CNTN2: variants seen among roughly 807,000 people sequenced by gnomAD.
The protein encoded by CNTN2 is contactin-2.
A neutral mutation model predicts 117.5 loss-of-function variants in CNTN2; 53 were observed. The observed-to-expected ratio is 0.45, with a 90% CI of 0.36 to 0.57. The LOEUF is 0.57. Ranked by LOEUF, CNTN2 falls within the 20% of genes least tolerant of loss-of-function variation. CNTN2 has a pLI of 0.00. For synonymous variants in CNTN2, 530 were observed against 561.7 expected (o/e 0.94, Z 0.80); for missense variants, 1,106 against 1,404.3 (o/e 0.79, Z 3.39).
At position 205,058,028 on chromosome 1, in the gene CNTN2, G is replaced by A. The variant is rs12076297; in HGVS notation, c.178G>A (p.Ala60Thr). ...EESTEEQVLL[A>T]CRARASPPAT... ...GTCCACGGAGGAGCAGGTGTTGCTGGCATGCCGCGCCCGGGCCAGCCCTCC... is the reference window on the plus strand; with the variant it reads ...GTCCACGGAGGAGCAGGTGTTGCTGACATGCCGCGCCCGGGCCAGCCCTCC... Residue 60 changes from alanine to threonine, a missense_variant, in exon 3 of 23, where the codon GCA becomes ACA. Transcript: ENST00000331830. This position sits in a 1 kb window ranked among gnomAD's most constrained non-coding sequence, Gnocchi z 4.3. 2.1e-3 allele frequency: 3,365 copies of A among 1,613,400 alleles called. 68 individuals carry two copies. The African/African-American group carries it at 0.041, about 19-fold the overall frequency.
chr1:205,074,349 C>T lies in CNTN2; in HGVS notation c.*584C>T, dbSNP rs1189351774. On this transcript the variant is annotated 3_prime_UTR_variant, in exon 23 of 23. Coordinates refer to ENST00000331830, the MANE Select transcript of CNTN2 (RefSeq NM_005076.5). ...GCCTGCCCAAGCGGCTGAGAACCAG[C>T]GCCCCGATGCCTGAGGCTGGGAGCC... 6 of 400,082 alleles carry T rather than the reference C, an allele frequency of 1.5e-5. No individual in the cohort carries two copies. The highest frequency in any genetic ancestry group is 7.1e-5 in the East Asian group (2 of 28,074). 24.8% of individuals were successfully genotyped at this position (400,082 alleles called of 1,614,324 possible). A position where few individuals can be genotyped will look rare whatever the true frequency, so the allele number is the denominator to read the frequency against.
chr1:205,057,961 T>C lies in CNTN2; in HGVS notation c.111T>C (p.Pro37=). The change falls in exon 3 of 23, where the codon CCT becomes CCC. Residue 37 remains proline (P), a synonymous_variant. Transcript: ENST00000331830. ...SALGSQTTFG[P]VFEDQPLSVL... The stretch of plus-strand genomic sequence containing the variant: ...TGGGATCCCAAACCACCTTCGGGCC[T>C]GTCTTTGAAGACCAGCCCCTCAGTG... The C allele has an allele frequency of 6.2e-7, 1 of 1,614,152 alleles. No individual in the cohort carries two copies.
At chr1:205,047,988 G>A (rs951901040) in intron 1 of CNTN2, among the ~76,000 whole-genome samples, 5 of 152,206 alleles carry the variant, frequency 3.3e-5, no homozygotes, top group African/African-American at 1.2e-4. Context: ...CTAGACAGCA[G>A]CAGGCAGGTT....
chr1:205,065,334 G>A lies in CNTN2; in HGVS notation c.1695+72G>A. 2 of 1,531,978 alleles carry A rather than the reference G, an allele frequency of 1.3e-6. No individual in the cohort carries two copies. The highest frequency in any genetic ancestry group is 1.8e-6 in the Non-Finnish European group (2 of 1,118,252). The allele number at this position is 1,531,978 out of a possible 1,614,324, so 94.9% of individuals were successfully genotyped here. On this transcript the variant is annotated intron_variant, in intron 13 of 22. Transcript: ENST00000331830. The surrounding 1 kb of genome is among the most constrained non-coding windows in gnomAD (Gnocchi z 4.1). ...AGACAGGGGCCCCAAGATGTCCTTA[G>A]CCATCCTCACCTTTAAGAAACCCAT...
At position 205,069,532 on chromosome 1, in the gene CNTN2, G is replaced by A; in HGVS notation, c.2167G>A (p.Ala723Thr). 1 of 1,613,898 alleles carries A rather than the reference G, an allele frequency of 6.2e-7. No individual in the cohort carries two copies. The highest frequency in any genetic ancestry group is 8.5e-7 in the Non-Finnish European group (1 of 1,180,022). Reference protein sequence around the residue: ...APSGLSGGGGAPGELIVNWTP... With the variant: ...APSGLSGGGGTPGELIVNWTP... ...CTCAGGACTCAGCGGAGGAGGTGGA[G>A]CCCCCGGAGAGCTCATCGTCAACTG... The change falls in exon 17 of 23, where the codon GCC (alanine) becomes ACC (threonine). Residue 723 changes from alanine to threonine, a missense_variant. Ala to Thr is a moderately conservative substitution (Grantham distance 58, BLOSUM62 0). Coordinates refer to ENST00000331830, the MANE Select transcript of CNTN2 (RefSeq NM_005076.5).
rs1654892556 is a variant in CNTN2, at chr1:205,076,942, T to C, written c.*3177T>C. 1 of 151,804 alleles carries C rather than the reference T, an allele frequency of 6.6e-6. No homozygotes were observed. The highest frequency in any genetic ancestry group is 1.5e-5 in the Non-Finnish European group (1 of 67,932). 9.4% of individuals were successfully genotyped at this position (151,804 alleles called of 1,614,324 possible). A position where few individuals can be genotyped will look rare whatever the true frequency, so the allele number is the denominator to read the frequency against. On this transcript the variant is annotated 3_prime_UTR_variant, in exon 23 of 23. Transcript: ENST00000331830. ...AAAGTAACAACAGACGAGACTGAGG[T>C]TAAACATCAGAAAAAAACCTCTGGA...
chr1:205,049,445 C>T (rs904104909), intron 1 of CNTN2, among the ~76,000 whole-genome samples: 2 of 138,008 alleles, frequency 1.4e-5, no homozygotes, highest in Non-Finnish European at 3.1e-5. Flanking sequence ...CATATAGACA[C>T]AACAGATACC....
Position 205,072,086 on chromosome 1 carries a change from G to A in CNTN2, c.2684G>A (p.Gly895Asp). 1 of 1,613,728 alleles carries A rather than the reference G, an allele frequency of 6.2e-7. No individual in the cohort carries two copies. Among genetic ancestry groups the A allele is most frequent in the Non-Finnish European group, 8.5e-7 (1 of 1,179,938 alleles). ...ACCGTGAGGGCCTACAACCGGGCTG[G>A]CACTGGGCCTGCCAGCCCTTCTGCC... is the stretch of plus-strand genomic sequence containing the variant. Reference protein sequence around the residue: ...HVTVRAYNRAGTGPASPSANA... With the variant: ...HVTVRAYNRADTGPASPSANA... The change falls in exon 20 of 23, where the codon GGC becomes GAC. Residue 895 changes from glycine (G) to aspartate (D), a missense_variant. Transcript: ENST00000331830.
chr1:205,055,819 T>C (rs934996507), intron 2 of CNTN2, among the ~76,000 whole-genome samples: 1 of 152,196 alleles, frequency 6.6e-6, no homozygotes, highest in Non-Finnish European at 1.5e-5. Context: ...TGGCAATACC[T>C]ATCTTGTAAA....
rs768335776 is a variant in CNTN2, at chr1:205,073,278, G to T, written c.3013+42G>T. 3 of 1,599,258 alleles carry T rather than the reference G, an allele frequency of 1.9e-6. No homozygotes were observed. The South Asian group carries it at 3.3e-5, about 18-fold the overall frequency. ...ACCCTTATCCCCTCGAGAGATTCAG[G>T]ATCCACCCAGATACCTGAGAGGATC... On this transcript the variant is annotated intron_variant, in intron 22 of 22. Coordinates refer to ENST00000331830, the MANE Select transcript of CNTN2 (RefSeq NM_005076.5). The surrounding 1 kb of genome is among the most constrained non-coding windows in gnomAD (Gnocchi z 6.3).
chr1:205,050,000 C>A (rs925422304), intron 1 of CNTN2, among the ~76,000 whole-genome samples: 1 of 146,776 alleles, frequency 6.8e-6, no homozygotes, highest in Non-Finnish European at 1.5e-5. Context: ...CACTCTAGCA[C>A]CTCATGGAAC....
intron 15 of CNTN2, 127 bp downstream of exon 15, chr1:205,066,726 A>G: frequency 9.0e-7 from 1 of 1,106,486 alleles, no homozygotes; most frequent in South Asian, 1.6e-5. Context: ...AAGAGGGACA[A>G]GATCTGTCCT....
At position 205,059,945 on chromosome 1, in the gene CNTN2, C is replaced by T. The variant is rs1050503920; in HGVS notation, c.797+263C>T. On this transcript the variant is annotated intron_variant, in intron 7 of 22. Transcript: ENST00000331830. This position sits in a 1 kb window ranked among gnomAD's most constrained non-coding sequence, Gnocchi z 5.6. ...GCAGGCTCAGACAGCTTGAGTAACA[C>T]CCAGGGCTGGAGGCAGGCAGCACAG... is the stretch of plus-strand genomic sequence containing the variant. 6.0e-6 allele frequency: 3 copies of T among 498,898 alleles called. No homozygotes were observed. Among genetic ancestry groups the T allele is most frequent in the South Asian group, 2.2e-5 (1 of 44,738 alleles). 30.9% of individuals were successfully genotyped at this position (498,898 alleles called of 1,614,324 possible). A position where few individuals can be genotyped will look rare whatever the true frequency, so the allele number is the denominator to read the frequency against.
rs1653847650 is a variant in CNTN2, at chr1:205,059,395, G to A, written c.697+102G>A. 3.9e-6 allele frequency: 5 copies of A among 1,295,608 alleles called. No individual in the cohort carries two copies. Among genetic ancestry groups the A allele is most frequent in the Admixed American group, 4.0e-5 (2 of 50,182 alleles). The allele number at this position is 1,295,608 out of a possible 1,614,324, so 80.3% of individuals were successfully genotyped here. A position where few individuals can be genotyped will look rare whatever the true frequency, so the allele number is the denominator to read the frequency against. On this transcript the variant is annotated intron_variant, in intron 6 of 22. Transcript: ENST00000331830. This position sits in a 1 kb window ranked among gnomAD's most constrained non-coding sequence, Gnocchi z 5.6. ...GGAGATTGGAAGATCAGCTTGCAGG[G>A]CACTGATTCCAGGCCCTGGACCCCC...
At chr1:205,046,889 G>A (rs1189132563) in intron 1 of CNTN2, among the ~76,000 whole-genome samples, 1 of 152,130 alleles carries the variant, frequency 6.6e-6, no homozygotes, top group Admixed American at 6.5e-5. Context: ...CCAGGAGGAT[G>A]GAAGCCTCTC....
chr1:205,051,517 G>C (rs550133089), intron 1 of CNTN2, among the ~76,000 whole-genome samples: 3 of 152,178 alleles, frequency 2.0e-5, no homozygotes, highest in Non-Finnish European at 4.4e-5. Context: ...GGGAGGGGCA[G>C]GTATTTTGGG....
At position 205,061,691 on chromosome 1, in the gene CNTN2, G is replaced by A; in HGVS notation, c.974-174G>A. ...CCACTGGCACAGCCACAGAGTGCCA[G>A]CTTTCTTGTGCCTCCTTCTTCCGGC... On this transcript the variant is annotated intron_variant, in intron 8 of 22. Transcript: ENST00000331830. This position sits in a 1 kb window ranked among gnomAD's most constrained non-coding sequence, Gnocchi z 4.8. 1 of 935,658 alleles carries A rather than the reference G, an allele frequency of 1.1e-6. No individual in the cohort carries two copies. The highest frequency in any genetic ancestry group is 1.6e-6 in the Non-Finnish European group (1 of 632,534). The allele number at this position is 935,658 out of a possible 1,614,324, so 58.0% of individuals were successfully genotyped here.
chr1:205,061,002 G>C lies in CNTN2; in HGVS notation c.798-243G>C. The C allele has an allele frequency of 2.1e-6, 1 of 470,442 alleles. No homozygotes were observed. Among genetic ancestry groups the C allele is most frequent in the Non-Finnish European group, 3.8e-6 (1 of 264,936 alleles). The allele number at this position is 470,442 out of a possible 1,614,324, so 29.1% of individuals were successfully genotyped here. A position where few individuals can be genotyped will look rare whatever the true frequency, so the allele number is the denominator to read the frequency against. On this transcript the variant is annotated intron_variant, in intron 7 of 22. Coordinates refer to ENST00000331830, the MANE Select transcript of CNTN2 (RefSeq NM_005076.5). The surrounding 1 kb of genome is among the most constrained non-coding windows in gnomAD (Gnocchi z 4.8). ...GACCCCGCAGAAGCCCGGCTTCACT[G>C]GCTCCAGGGTTGTTGCAGGGGGGAT... is the stretch of plus-strand genomic sequence containing the variant.
chr1:205,066,305 C>A, intron 14 of CNTN2, 136 bp from the exon 15 acceptor site: 4 of 1,066,964 alleles, frequency 3.7e-6, no homozygotes, highest in Non-Finnish European at 4.0e-6. Flanking sequence ...CCCGCCCTCC[C>A]GCCTGGGTGT....
Sources: gnomAD v4.1 joint callset for allele counts (sites outside exome capture counted in the v4.1 genomes callset) on GRCh38, gnomAD v4.1.1 for gene constraint, Gnocchi (gnomAD v3.1) non-coding constraint, MANE v1.5 for transcripts, NCBI Gene and HGNC (gene_info 2026-07-23, HGNC 2026-07-21) for gene names.